Variants in LIN28B observed in about 807,000 individuals in gnomAD.
LIN28B encodes the protein lin-28 RNA binding posttranscriptional regulator B, also known as protein lin-28 homolog B.
LIN28B carries 5 observed loss-of-function variants against 21.9 expected under a neutral mutation model. The observed-to-expected ratio is 0.23, with a 90% CI of 0.12 to 0.48. The LOEUF (loss-of-function observed/expected upper bound fraction) is 0.48. LIN28B is among the 20% of genes least tolerant of loss of function. LIN28B has a pLI of 0.98. For missense variants in LIN28B, 245 were observed against 310.5 expected, an observed-to-expected ratio of 0.79 and a Z score of 1.58; for synonymous variants, 109 against 111.3, an observed-to-expected ratio of 0.98 and a Z score of 0.13.
At chr6:105,066,592 A>G (rs1359853386) in intron 3 of LIN28B, among the ~76,000 whole-genome samples, 2 of 152,122 alleles carry the variant, frequency 1.3e-5, no homozygotes, top group African/African-American at 4.8e-5. Context: ...GAAGAAGTGT[A>G]TGTGATAAAA....
At chr6:104,980,449 G>A (rs11962401) in intron 2 of LIN28B, among the ~76,000 whole-genome samples, 2,612 of 152,208 alleles carry the variant, frequency 0.017, 74 homozygotes, top group African/African-American at 0.06. Context: ...GTGTGACATG[G>A]AGTTCCCAGG....
intron 2 of LIN28B, among the ~76,000 whole-genome samples, chr6:105,018,521 C>A (rs550440932): frequency 2.0e-5 from 3 of 152,138 alleles, no homozygotes; most frequent in Non-Finnish European, 4.4e-5. Context: ...ATACACCTCA[C>A]GTGTAAAGCT....
intron 3 of LIN28B, among the ~76,000 whole-genome samples, chr6:105,031,352 C>T (rs567051972): frequency 5.3e-5 from 8 of 151,812 alleles, no homozygotes; most frequent in Non-Finnish European, 1.2e-4. Flanking sequence ...TCATACTGAC[C>T]TTATGGCCTA....
chr6:104,985,071 A>G (rs970971054), intron 2 of LIN28B, among the ~76,000 whole-genome samples: 3 of 152,218 alleles, frequency 2.0e-5, no homozygotes, highest in African/African-American at 7.2e-5. Flanking sequence ...TACCAGTGTG[A>G]AATCACTGAA....
intron 2 of LIN28B, among the ~76,000 whole-genome samples, chr6:104,960,667 A>G (rs1199489545): frequency 1.3e-5 from 2 of 152,094 alleles, no homozygotes; most frequent in Non-Finnish European, 2.9e-5. Flanking sequence ...GAGAAATAAA[A>G]AACAAATTAT....
chr6:104,957,974 A>T (rs1778314466), intron 1 of LIN28B, 125 bp from the exon 2 acceptor site: 1 of 558,162 alleles, frequency 1.8e-6, no homozygotes, highest in East Asian at 3.0e-5. Flanking sequence ...TCAAACCATT[A>T]AAAAAAATTT....
intron 2 of LIN28B, among the ~76,000 whole-genome samples, chr6:105,016,684 T>C (rs1771034567): frequency 6.6e-6 from 1 of 152,156 alleles, no homozygotes; most frequent in Non-Finnish European, 1.5e-5. Flanking sequence ...GAACACCTGC[T>C]ATGTTTCAGG....
chr6:104,949,896 A>C (rs952216835), intron 2 of LIN28B, among the ~76,000 whole-genome samples: 11 of 152,328 alleles, frequency 7.2e-5, no homozygotes, highest in African/African-American at 2.6e-4. Flanking sequence ...TAAAAATATA[A>C]GTTAAAATGC....
chr6:105,034,405 C>T (rs1771484689), intron 3 of LIN28B, among the ~76,000 whole-genome samples: 1 of 151,696 alleles, frequency 6.6e-6, no homozygotes, highest in Non-Finnish European at 1.5e-5. Context: ...TGATTTTCTA[C>T]ATGAGTTAAA....
intron 2 of LIN28B, among the ~76,000 whole-genome samples, chr6:104,977,023 ACTC>A (rs1024523438): frequency 6.6e-6 from 1 of 151,378 alleles, no homozygotes; most frequent in Non-Finnish European, 1.5e-5. Flanking sequence ...GATTGAATCT[ACTC>A]CTTATTTTTA....
At chr6:105,020,343 G>A (rs117968482) in intron 2 of LIN28B, among the ~76,000 whole-genome samples, 1 of 146,424 alleles carries the variant, frequency 6.8e-6, no homozygotes, top group East Asian at 1.9e-4. Context: ...ATACAGCAAG[G>A]ATTTTTTTTT....
At chr6:104,955,734 CAGTT>C (rs1778278141), upstream of LIN28B, among the ~76,000 whole-genome samples, 1 of 146,520 alleles carries the variant, frequency 6.8e-6, no homozygotes, top group South Asian at 2.1e-4. Flanking sequence ...GGTATCTGAA[CAGTT>C]AGTTTCTTGG....
At chr6:104,950,312 G>C (rs1409304794) in intron 2 of LIN28B, 2 of 404,870 alleles carry the variant, frequency 4.9e-6, no homozygotes, top group East Asian at 7.2e-5. Context: ...ATTTTGCTAG[G>C]TGAGTCTTAA....
intron 2 of LIN28B, among the ~76,000 whole-genome samples, chr6:104,998,540 G>A (rs1180085329): frequency 6.6e-6 from 1 of 152,008 alleles, no homozygotes; most frequent in Non-Finnish European, 1.5e-5. Flanking sequence ...GTACTTGCCA[G>A]CTGTGTCATG....
chr6:105,071,677 A>G (rs1197883933), intron 3 of LIN28B, among the ~76,000 whole-genome samples: 1 of 152,124 alleles, frequency 6.6e-6, no homozygotes, highest in Admixed American at 6.5e-5. Flanking sequence ...CTCAATTTAC[A>G]TTCACTCCAA....
intron 3 of LIN28B, among the ~76,000 whole-genome samples, chr6:105,054,457 A>C (rs1000580296): frequency 1.3e-5 from 2 of 152,220 alleles, no homozygotes; most frequent in Non-Finnish European, 2.9e-5. Context: ...TTTTGCTTTA[A>C]ATAGTGTTTC....
At chr6:104,981,307 T>G (rs951821641) in intron 2 of LIN28B, among the ~76,000 whole-genome samples, 2 of 152,224 alleles carry the variant, frequency 1.3e-5, no homozygotes, top group African/African-American at 4.8e-5. Context: ...CTTTCTGCTT[T>G]AAAGTCTTTA....
chr6:105,022,278 A>T (rs1771157107), intron 2 of LIN28B, among the ~76,000 whole-genome samples: 1 of 152,186 alleles, frequency 6.6e-6, no homozygotes, highest in Non-Finnish European at 1.5e-5. Context: ...CCTTCTGAAG[A>T]TTCACTAAAA....
At chr6:105,070,391 A>T (rs977456606) in intron 3 of LIN28B, among the ~76,000 whole-genome samples, 12 of 152,166 alleles carry the variant, frequency 7.9e-5, no homozygotes, top group African/African-American at 2.7e-4. Context: ...AATTACACAA[A>T]TAATATATCA....
Sources: gnomAD v4.1 joint callset for allele counts (sites outside exome capture counted in the v4.1 genomes callset) on GRCh38, gnomAD v4.1.1 for gene constraint, MANE v1.5 for transcripts, NCBI Gene and HGNC (gene_info 2026-07-23, HGNC 2026-07-21) for gene names.